TENM3: variants seen among roughly 807,000 people sequenced by gnomAD.
TENM3 encodes teneurin-3.
Under a neutral mutation model 255.1 loss-of-function variants are expected in TENM3, and 63 were observed. That is an observed-to-expected ratio of 0.25 (90% CI 0.20 to 0.30). TENM3 has a LOEUF of 0.30. Among genes scored for constraint, TENM3 ranks in the 10% least tolerant of loss-of-function variants. TENM3 has a pLI of 1.00. For synonymous variants in TENM3, 1,306 were observed against 1,322.3 expected (o/e 0.99, Z 0.27); for missense variants, 2,929 against 3,461.1 (o/e 0.85, Z 3.86).
At chr4:181,597,109 C>A in the TENM3 span, among the ~76,000 whole-genome samples, 8 of 152,250 alleles carry the variant, frequency 5.3e-5, no homozygotes, top group African/African-American at 1.9e-4. Context: ...TGTATTCAAC[C>A]ATTGTTTCAT....
chr4:182,573,740 C>T (rs528513648), intron 3 of TENM3, among the ~76,000 whole-genome samples: 14 of 152,152 alleles, frequency 9.2e-5, no homozygotes, highest in Non-Finnish European at 1.8e-4. Context: ...TTGAATTGTG[C>T]GATTTCATAT....
At chr4:181,564,063 T>G in the TENM3 span, among the ~76,000 whole-genome samples, 1 of 137,768 alleles carries the variant, frequency 7.3e-6, no homozygotes, top group Non-Finnish European at 1.5e-5. Context: ...TTTTTTGAGA[T>G]AGAATCTCAC....
chr4:181,928,705 G>C, the TENM3 span, among the ~76,000 whole-genome samples: 1 of 152,022 alleles, frequency 6.6e-6, no homozygotes, highest in South Asian at 2.1e-4. Context: ...TCCCCAAGAA[G>C]AGCAACCCCA....
At chr4:182,599,292 G>A (rs970748199) in intron 3 of TENM3, among the ~76,000 whole-genome samples, 3 of 152,054 alleles carry the variant, frequency 2.0e-5, no homozygotes, top group Admixed American at 6.6e-5. Context: ...CCTCAAAAGC[G>A]TATTTCAGTC....
At chr4:182,278,553 G>T (rs937757282) in intron 1 of TENM3, among the ~76,000 whole-genome samples, 3 of 151,548 alleles carry the variant, frequency 2.0e-5, no homozygotes, top group Admixed American at 6.6e-5. Flanking sequence ...GTATGATGAT[G>T]AAGGTGACTA....
chr4:181,761,504 GA>G, the TENM3 span, among the ~76,000 whole-genome samples: 8 of 149,828 alleles, frequency 5.3e-5, no homozygotes, highest in African/African-American at 1.2e-4. Context: ...GGGCTTACTG[GA>G]AAAAAAAATA....
the TENM3 span, among the ~76,000 whole-genome samples, chr4:181,467,123 ATATTTTT>A: frequency 5.6e-5 from 1 of 17,976 alleles, no homozygotes; most frequent in South Asian, 1.4e-3. Context: ...ATATATATAT[ATATTTTT>A]TTTTTTTTTT....
At chr4:181,635,711 T>G in the TENM3 span, among the ~76,000 whole-genome samples, 627 of 152,322 alleles carry the variant, frequency 4.1e-3, 2 homozygotes, top group Middle Eastern at 0.014. Flanking sequence ...AGGGTGATGC[T>G]TCTCCTTTTA....
the TENM3 span, among the ~76,000 whole-genome samples, chr4:181,661,234 T>C: frequency 6.6e-5 from 10 of 152,282 alleles, no homozygotes; most frequent in African/African-American, 2.4e-4. Flanking sequence ...ACTTTACACT[T>C]TGAAATCAGC....
At chr4:181,761,010 ACACC>A in the TENM3 span, among the ~76,000 whole-genome samples, 2 of 150,194 alleles carry the variant, frequency 1.3e-5, no homozygotes, top group Non-Finnish European at 3.0e-5. Flanking sequence ...ACACACACAC[ACACC>A]CCGAATAATC....
the TENM3 span, chr4:181,976,418 C>T: frequency 6.6e-6 from 1 of 152,198 alleles, no homozygotes; most frequent in African/African-American, 2.4e-5. Context: ...CATGCCCAGC[C>T]GGTTGCTTAG....
rs889528791 is a variant in TENM3, at chr4:182,351,372, T to A, written c.511+4443T>A. Among the ~76,000 whole-genome samples the A allele has an allele frequency of 2.0e-5, 3 of 152,346 alleles. No homozygotes were observed. The South Asian group carries it at 6.2e-4, about 32-fold the overall frequency. ...GCAGCCAGGCATCTATTGTTTTTTGTCATCCAGCCGGTGCGACGTTGTCAC... is the reference window on the plus strand; with the variant it reads ...GCAGCCAGGCATCTATTGTTTTTTGACATCCAGCCGGTGCGACGTTGTCAC... On this transcript the variant is annotated intron_variant, in intron 3 of 27. Transcript: ENST00000511685.
At chr4:181,805,083 A>G in the TENM3 span, among the ~76,000 whole-genome samples, 4 of 152,266 alleles carry the variant, frequency 2.6e-5, no homozygotes, top group Non-Finnish European at 5.9e-5. Context: ...CAGCCTCCTA[A>G]GAGTTCTGCT....
intron 2 of TENM3, among the ~76,000 whole-genome samples, chr4:182,327,797 A>G (rs928913864): frequency 6.6e-6 from 1 of 152,108 alleles, no homozygotes; most frequent in Non-Finnish European, 1.5e-5. Flanking sequence ...TTCTTTTATT[A>G]ATCTTTGAAG....
At chr4:181,521,882 G>A in the TENM3 span, among the ~76,000 whole-genome samples, 14 of 152,018 alleles carry the variant, frequency 9.2e-5, no homozygotes, top group Non-Finnish European at 1.5e-5. Flanking sequence ...AGATCACGAG[G>A]TCAGGAGATC....
At chr4:181,795,636 G>T in the TENM3 span, among the ~76,000 whole-genome samples, 1 of 152,068 alleles carries the variant, frequency 6.6e-6, no homozygotes, top group Non-Finnish European at 1.5e-5. Context: ...GATGTAATTT[G>T]GTTGTGCCAA....
intron 3 of TENM3, among the ~76,000 whole-genome samples, chr4:182,377,566 G>A (rs187117418): frequency 0.02 from 3,031 of 152,110 alleles, 58 homozygotes; most frequent in Non-Finnish European, 0.026. Context: ...CACCCGCCTT[G>A]GCCTCCCAAA....
the TENM3 span, among the ~76,000 whole-genome samples, chr4:181,956,879 C>T: frequency 2.0e-5 from 3 of 152,174 alleles, no homozygotes; most frequent in Admixed American, 2.0e-4. Context: ...AATTCAAACA[C>T]TTTTCTTATT....
intron 1 of TENM3, among the ~76,000 whole-genome samples, chr4:182,218,372 C>T (rs1447867570): frequency 2.0e-5 from 3 of 152,124 alleles, no homozygotes; most frequent in African/African-American, 7.2e-5. Flanking sequence ...ATTATATAGG[C>T]CTCTGTTACT....
Sources: allele counts gnomAD v4.1 joint callset (sites outside exome capture counted in the v4.1 genomes callset), GRCh38; gene constraint gnomAD v4.1.1; transcripts MANE v1.5; gene names NCBI Gene and HGNC (gene_info 2026-07-23, HGNC 2026-07-21).